Variants in JMJD1C observed in about 807,000 individuals in gnomAD.
The protein encoded by JMJD1C is jumonji domain-containing protein 1C.
A neutral mutation model predicts 245.3 loss-of-function variants in JMJD1C; 31 were observed. That is an observed-to-expected ratio of 0.13 (90% CI 0.09 to 0.17). The LOEUF is 0.17. Among genes scored for constraint, JMJD1C ranks in the 10% least tolerant of loss-of-function variants. JMJD1C has a pLI of 1.00. For missense variants in JMJD1C, 2,691 were observed against 3,000.2 expected (o/e 0.90, Z 2.41); for synonymous variants, 1,057 against 1,017.4 (o/e 1.04, Z -0.74).
intron 1 of JMJD1C, among the ~76,000 whole-genome samples, chr10:63,425,987 CAAAT>C (rs1439754772): frequency 6.6e-6 from 1 of 152,146 alleles, no homozygotes. Flanking sequence ...AGTTTAAAAA[CAAAT>C]TTTAAGACAT....
At chr10:63,433,096 A>ATT (rs57311354) in intron 1 of JMJD1C, among the ~76,000 whole-genome samples, 2,396 of 146,108 alleles carry the variant, frequency 0.016, 56 homozygotes, top group African/African-American at 0.054. Flanking sequence ...TATTATTATC[A>ATT]TTTTTTTTTT....
At chr10:63,297,422 G>A (rs991150009) in intron 2 of JMJD1C, among the ~76,000 whole-genome samples, 3 of 152,152 alleles carry the variant, frequency 2.0e-5, no homozygotes, top group Non-Finnish European at 2.9e-5. Context: ...TCTCCTCTCC[G>A]CTGAGAGCTG....
intron 2 of JMJD1C, among the ~76,000 whole-genome samples, chr10:63,294,898 C>T (rs150720342): frequency 6.6e-6 from 1 of 152,070 alleles, no homozygotes; most frequent in Non-Finnish European, 1.5e-5. Context: ...ACACTTTCCA[C>T]CAGCTCCTAG....
intron 2 of JMJD1C, among the ~76,000 whole-genome samples, chr10:63,355,560 TACTC>T (rs1944763343): frequency 1.3e-5 from 2 of 152,054 alleles, no homozygotes; most frequent in Admixed American, 6.6e-5. Context: ...ACCAGAAAGC[TACTC>T]TTGGAAGAGA....
chr10:63,344,752 T>C (rs913933730), intron 2 of JMJD1C, among the ~76,000 whole-genome samples: 2 of 149,248 alleles, frequency 1.3e-5, no homozygotes, highest in Admixed American at 1.3e-4. Flanking sequence ...AAATAGACGG[T>C]AAAAAAGTTC....
intron 2 of JMJD1C, among the ~76,000 whole-genome samples, chr10:63,269,597 C>A (rs1856036630): frequency 1.3e-5 from 2 of 151,990 alleles, no homozygotes; most frequent in South Asian, 2.1e-4. Context: ...ATTAGTATAA[C>A]CATTTTGCCT....
intron 2 of JMJD1C, among the ~76,000 whole-genome samples, chr10:63,326,381 A>ACAAT (rs1941504048): frequency 7.0e-6 from 1 of 143,278 alleles, no homozygotes; most frequent in Non-Finnish European, 1.5e-5. Context: ...TTCCATCTCA[A>ACAAT]AAATAAATAA....
At chr10:63,190,559 C>T (rs1317737384) in intron 17 of JMJD1C, among the ~76,000 whole-genome samples, 1 of 152,082 alleles carries the variant, frequency 6.6e-6, no homozygotes, top group Non-Finnish European at 1.5e-5. Flanking sequence ...ATAATTAAAG[C>T]AAAATTTGAC....
chr10:63,447,277 G>T (rs1387060224), intron 1 of JMJD1C, among the ~76,000 whole-genome samples: 2 of 152,124 alleles, frequency 1.3e-5, no homozygotes, highest in Non-Finnish European at 2.9e-5. Context: ...CCTCAATTCA[G>T]TTCTTCTCCA....
chr10:63,271,051 G>A (rs1589350168), intron 2 of JMJD1C, among the ~76,000 whole-genome samples: 1 of 152,138 alleles, frequency 6.6e-6, no homozygotes, highest in Non-Finnish European at 1.5e-5. Flanking sequence ...CAGTTTTATT[G>A]TAGAAATTAC....
intron 2 of JMJD1C, among the ~76,000 whole-genome samples, chr10:63,348,352 T>C (rs1944037264): frequency 6.6e-6 from 1 of 152,188 alleles, no homozygotes; most frequent in East Asian, 1.9e-4. Context: ...ACTATGAAGA[T>C]ATACTGGCTA....
At chr10:63,470,935 G>T (rs2133150214), upstream of JMJD1C, among the ~76,000 whole-genome samples, 1 of 152,208 alleles carries the variant, frequency 6.6e-6, no homozygotes, top group South Asian at 2.1e-4. Context: ...TAAAAATTTA[G>T]AAAGAATACA....
intron 2 of JMJD1C, among the ~76,000 whole-genome samples, chr10:63,360,031 G>C (rs754508486): frequency 2.6e-5 from 4 of 151,950 alleles, no homozygotes; most frequent in African/African-American, 4.8e-5. Flanking sequence ...CTTAAAATAG[G>C]GAGCAGAATG....
At chr10:63,272,066 C>CT (rs757266085) in intron 2 of JMJD1C, among the ~76,000 whole-genome samples, 2 of 144,588 alleles carry the variant, frequency 1.4e-5, no homozygotes, top group Non-Finnish European at 3.0e-5. Flanking sequence ...GAGCAAGACT[C>CT]TGTCTCAAAA....
At chr10:63,332,696 T>C (rs935325442) in intron 2 of JMJD1C, among the ~76,000 whole-genome samples, 5 of 152,202 alleles carry the variant, frequency 3.3e-5, no homozygotes, top group Non-Finnish European at 5.9e-5. Context: ...ATCAATTAGA[T>C]TTCAAAAAGT....
Position 63,265,347 on chromosome 10 carries a change from G to A in JMJD1C, c.334-583C>T, listed in dbSNP as rs74317191. 2.0e-3 allele frequency among the ~76,000 whole-genome samples: 294 copies of A among 150,428 alleles called. 1 individual carries two copies. The East Asian group carries it at 0.026, about 13-fold the overall frequency. On this transcript the variant is annotated intron_variant, in intron 2 of 25. Transcript: ENST00000399262. ...TGGAGGAAGGGAGTAGAGAGAGTCC[G>A]GTAAGAAGTACTACACAAAACTCTA... is the stretch of plus-strand genomic sequence containing the variant.
At chr10:63,423,128 C>A (rs1051140705) in intron 1 of JMJD1C, among the ~76,000 whole-genome samples, 1 of 152,046 alleles carries the variant, frequency 6.6e-6, no homozygotes, top group African/African-American at 2.4e-5. Flanking sequence ...CCACACCCAG[C>A]TAATTTTTGT....
chr10:63,425,946 G>T (rs1392687045), intron 1 of JMJD1C, among the ~76,000 whole-genome samples: 5 of 152,108 alleles, frequency 3.3e-5, no homozygotes, highest in African/African-American at 9.7e-5. Flanking sequence ...TGTTTACTAT[G>T]TAAGTTAGGG....
chr10:63,229,162 T>C (rs1564646276), intron 3 of JMJD1C, among the ~76,000 whole-genome samples: 1 of 152,052 alleles, frequency 6.6e-6, no homozygotes. Flanking sequence ...TATAAATAAA[T>C]ACTTTTTTAA....
Sources: gnomAD v4.1 joint callset for allele counts (sites outside exome capture counted in the v4.1 genomes callset) on GRCh38, gnomAD v4.1.1 for gene constraint, MANE v1.5 for transcripts, NCBI Gene and HGNC (gene_info 2026-07-23, HGNC 2026-07-21) for gene names.